Variants in CCDC201 observed in about 807,000 individuals in gnomAD.
CCDC201 encodes the protein coiled-coil domain-containing protein 201.
chr7:45,879,431 AG>A, the CCDC201 span, among the ~76,000 whole-genome samples: 1 of 152,234 alleles, frequency 6.6e-6, no homozygotes, highest in Non-Finnish European at 1.5e-5. Context: ...TAATTTATAA[AG>A]AAAAGAGGTT....
chr7:45,878,467 G>C, the CCDC201 span, among the ~76,000 whole-genome samples: 1 of 152,238 alleles, frequency 6.6e-6, no homozygotes, highest in African/African-American at 2.4e-5. Flanking sequence ...TCTAGGCAGA[G>C]GCTCCTAAGC....
exon 3 of CCDC201, chr7:45,862,693 G>T (rs531019709): frequency 6.6e-6 from 1 of 152,182 alleles, no homozygotes; most frequent in Non-Finnish European, 1.5e-5. Context: ...GGCTACGGCC[G>T]CCCTCGCCTA....
At chr7:45,880,119 A>G in the CCDC201 span, among the ~76,000 whole-genome samples, 1 of 152,242 alleles carries the variant, frequency 6.6e-6, no homozygotes. Flanking sequence ...TGAATCTGCA[A>G]ACATGATAAC....
At chr7:45,882,668 C>A in the CCDC201 span, among the ~76,000 whole-genome samples, 1 of 152,174 alleles carries the variant, frequency 6.6e-6, no homozygotes, top group African/African-American at 2.4e-5. Flanking sequence ...ATAGGCACCC[C>A]CTGGAGTGAC....
intron 1 of CCDC201, among the ~76,000 whole-genome samples, chr7:45,870,970 C>T (rs1444058659): frequency 6.6e-6 from 1 of 152,142 alleles, no homozygotes; most frequent in Non-Finnish European, 1.5e-5. Flanking sequence ...CAAACAGAAA[C>T]TGCAAGGTAA....
chr7:45,873,938 T>TTTTC (rs1491046120), upstream of CCDC201, among the ~76,000 whole-genome samples: 1 of 132,616 alleles, frequency 7.5e-6, no homozygotes, highest in Non-Finnish European at 1.7e-5. Context: ...TTTTTTTTTT[T>TTTTC]TTCAGACAGA....
intron 2 of CCDC201, among the ~76,000 whole-genome samples, chr7:45,865,320 TAA>T (rs1445862211): frequency 2.0e-5 from 3 of 151,692 alleles, no homozygotes; most frequent in Non-Finnish European, 4.4e-5. Context: ...CCTCTGAGAG[TAA>T]AAAGTAGGTC....
chr7:45,883,600 C>T, the CCDC201 span, among the ~76,000 whole-genome samples: 6 of 152,060 alleles, frequency 3.9e-5, no homozygotes, highest in Admixed American at 6.5e-5. Context: ...CCAGGGAGTC[C>T]GAGGGGCCTT....
the CCDC201 span, among the ~76,000 whole-genome samples, chr7:45,878,501 C>T: frequency 1.3e-5 from 2 of 152,252 alleles, no homozygotes; most frequent in Non-Finnish European, 2.9e-5. Flanking sequence ...TCTGTGCACA[C>T]ACAGGCCCAA....
At chr7:45,873,241 G>A (rs574750554), upstream of CCDC201, among the ~76,000 whole-genome samples, 2 of 152,086 alleles carry the variant, frequency 1.3e-5, no homozygotes, top group Non-Finnish European at 2.9e-5. Context: ...TGAGCCTGTG[G>A]GAAGTGAAGG....
At chr7:45,867,795 A>C (rs769203222) in intron 1 of CCDC201, among the ~76,000 whole-genome samples, 5 of 152,248 alleles carry the variant, frequency 3.3e-5, no homozygotes, top group Non-Finnish European at 5.9e-5. Context: ...ACTTTGCTAA[A>C]TTATTGTATG....
exon 3 of CCDC201, chr7:45,861,108 T>C (rs1786594314): frequency 6.6e-6 from 1 of 152,230 alleles, no homozygotes; most frequent in African/African-American, 2.4e-5. Flanking sequence ...TTGAATTTCA[T>C]TCTTTGAAAA....
At chr7:45,865,360 C>G (rs1341811705) in intron 2 of CCDC201, among the ~76,000 whole-genome samples, 1 of 152,198 alleles carries the variant, frequency 6.6e-6, no homozygotes, top group African/African-American at 2.4e-5. Flanking sequence ...TGCTGGTTCT[C>G]CAGCTGTGGC....
At chr7:45,878,353 A>C in the CCDC201 span, among the ~76,000 whole-genome samples, 3 of 152,314 alleles carry the variant, frequency 2.0e-5, no homozygotes, top group South Asian at 6.2e-4. Flanking sequence ...CTTCAGCCCC[A>C]CATTTCACTT....
intron 1 of CCDC201, among the ~76,000 whole-genome samples, chr7:45,867,108 T>C (rs889611712): frequency 4.6e-5 from 7 of 152,238 alleles, no homozygotes; most frequent in Admixed American, 1.3e-4. Context: ...TGATGAACTA[T>C]ACCCGGCAAG....
intron 1 of CCDC201, among the ~76,000 whole-genome samples, chr7:45,866,901 C>T (rs1786684233): frequency 1.3e-5 from 2 of 152,128 alleles, no homozygotes; most frequent in Non-Finnish European, 2.9e-5. Flanking sequence ...AAACTGTTGA[C>T]AAACATTGTA....
intron 1 of CCDC201, among the ~76,000 whole-genome samples, chr7:45,867,630 A>G (rs748903094): frequency 1.3e-5 from 2 of 152,242 alleles, no homozygotes; most frequent in African/African-American, 2.4e-5. Context: ...TGTACCTAGG[A>G]GAGACTCAAA....
chr7:45,867,254 G>T (rs112268403), intron 1 of CCDC201, among the ~76,000 whole-genome samples: 1 of 152,118 alleles, frequency 6.6e-6, no homozygotes, highest in Non-Finnish European at 1.5e-5. Context: ...ACACACATGC[G>T]TGCTCCTAAC....
At chr7:45,873,465 A>G (rs1192259128), upstream of CCDC201, among the ~76,000 whole-genome samples, 1 of 151,462 alleles carries the variant, frequency 6.6e-6, no homozygotes, top group Non-Finnish European at 1.5e-5. Flanking sequence ...TCTGCAGAAG[A>G]CTCCTTACCA....
Sources: allele counts gnomAD v4.1 joint callset (sites outside exome capture counted in the v4.1 genomes callset), GRCh38; gene constraint gnomAD v4.1.1; transcripts MANE v1.5; gene names NCBI Gene and HGNC (gene_info 2026-07-23, HGNC 2026-07-21).